The following LCA5L variants were observed in gnomAD, a reference collection of about 807,000 sequenced individuals.
The protein encoded by LCA5L is lebercilin LCA5 like.
LCA5L carries 35 observed loss-of-function variants against 45.4 expected under a neutral mutation model. That is an observed-to-expected ratio of 0.77 (90% CI 0.59 to 1.02). The LOEUF (loss-of-function observed/expected upper bound fraction) is 1.02, where lower values mean the gene tolerates loss of function less well. Among genes scored for constraint, LCA5L ranks in the 50% least tolerant of loss-of-function variants. LCA5L has a pLI of 0.00. For missense variants in LCA5L, 668 were observed against 761.6 expected (o/e 0.88, Z 1.45); for synonymous variants, 233 against 264.7 (o/e 0.88, Z 1.16).
At chr21:39,418,490 TTTTTA>T (rs904759623) in intron 7 of LCA5L, among the ~76,000 whole-genome samples, 3 of 152,124 alleles carry the variant, frequency 2.0e-5, no homozygotes, top group East Asian at 3.9e-4. Flanking sequence ...AAAATGGTTA[TTTTTA>T]TTTTATTTTT....
intron 5 of LCA5L, chr21:39,427,914 A>C (rs2075046307): frequency 4.1e-6 from 1 of 242,418 alleles, no homozygotes; most frequent in Non-Finnish European, 7.9e-6. Flanking sequence ...AACTAAAAAC[A>C]GAACTAACCT....
intron 6 of LCA5L, among the ~76,000 whole-genome samples, chr21:39,421,328 C>T (rs2073735734): frequency 6.6e-6 from 1 of 152,124 alleles, no homozygotes; most frequent in Admixed American, 6.6e-5. Flanking sequence ...TCTCAAGCTC[C>T]TGGCCCACCT....
chr21:39,440,310 C>T (rs1392354035), intron 2 of LCA5L, among the ~76,000 whole-genome samples: 1 of 152,102 alleles, frequency 6.6e-6, no homozygotes, highest in Non-Finnish European at 1.5e-5. Context: ...TTAAGAAGCT[C>T]CCACTAGTCA....
At chr21:39,437,392 A>T (rs2076387629) in intron 2 of LCA5L, among the ~76,000 whole-genome samples, 1 of 152,234 alleles carries the variant, frequency 6.6e-6, no homozygotes, top group Non-Finnish European at 1.5e-5. Context: ...AATGAAATGA[A>T]ATGATTATAT....
At chr21:39,437,569 C>T (rs2076406264) in intron 2 of LCA5L, among the ~76,000 whole-genome samples, 1 of 152,088 alleles carries the variant, frequency 6.6e-6, no homozygotes, top group South Asian at 2.1e-4. Flanking sequence ...AGGTGATCCT[C>T]CCACCTCAGT....
intron 7 of LCA5L, among the ~76,000 whole-genome samples, chr21:39,414,694 G>C (rs1325801591): frequency 6.8e-6 from 1 of 148,058 alleles, no homozygotes; most frequent in Non-Finnish European, 1.5e-5. Context: ...AGGCAGTACT[G>C]CATCTGTCTG....
intron 7 of LCA5L, among the ~76,000 whole-genome samples, chr21:39,417,600 A>C (rs978052381): frequency 1.3e-5 from 2 of 152,102 alleles, no homozygotes; most frequent in African/African-American, 2.4e-5. Context: ...GAGTCTAGGT[A>C]ATTTATAAGG....
chr21:39,418,359 A>C (rs1221654324), intron 7 of LCA5L, among the ~76,000 whole-genome samples: 1 of 152,178 alleles, frequency 6.6e-6, no homozygotes, highest in Non-Finnish European at 1.5e-5. Flanking sequence ...AGATATATAG[A>C]TATCCATTGT....
At chr21:39,440,217 C>A (rs1198693574) in intron 2 of LCA5L, among the ~76,000 whole-genome samples, 1 of 152,002 alleles carries the variant, frequency 6.6e-6, no homozygotes, top group East Asian at 1.9e-4. Context: ...ATTGGGGTTC[C>A]TTGGAGAAAT....
chr21:39,413,481 C>T (rs890525276), intron 7 of LCA5L, among the ~76,000 whole-genome samples: 11 of 152,180 alleles, frequency 7.2e-5, no homozygotes, highest in Non-Finnish European at 1.2e-4. Flanking sequence ...AAGAACATGA[C>T]ATATTTTTGT....
intron 3 of LCA5L, among the ~76,000 whole-genome samples, chr21:39,433,352 A>G (rs1601930491): frequency 7.4e-6 from 1 of 135,724 alleles, no homozygotes; most frequent in Non-Finnish European, 1.5e-5. Context: ...CAGGAGGTGG[A>G]GGTTGCAGTG....
rs2039028868 is a variant in LCA5L, at chr21:39,406,033, C to A, written c.1862G>T (p.Gly621Val). ...TDQSSPGVAK[G>V]SEEPLQSKES... ...CTTACTTTGCAAAGGCTCCTCTGAG[C>A]CTTTTGCAACACCAGGACTTGATTG... Residue 621 changes from glycine (G) to valine (V), a missense_variant, in exon 11 of 11, where the codon GGC becomes GTC. Transcript: ENST00000288350. The A allele has an allele frequency of 2.5e-6, 4 of 1,614,088 alleles. No individual in the cohort carries two copies. The South Asian group carries it at 3.3e-5, about 13-fold the overall frequency.
intron 7 of LCA5L, chr21:39,414,103 A>G (rs2040598084): frequency 6.6e-6 from 1 of 152,276 alleles, no homozygotes; most frequent in Non-Finnish European, 1.5e-5. Context: ...GTCAAGGGAA[A>G]CAAGAAGCTA....
chr21:39,422,648 G>A lies in LCA5L; in HGVS notation c.837+328C>T, dbSNP rs2073958848. ...AAAGAGAGGTTTCACGTAACACAAT[G>A]CAATCTTTTCAGCACAGGGAAAAAG... is the stretch of plus-strand genomic sequence containing the variant. On this transcript the variant is annotated intron_variant, in intron 6 of 10. Coordinates refer to ENST00000288350, the MANE Select transcript of LCA5L (RefSeq NM_152505.4). 1.2e-5 allele frequency: 5 copies of A among 410,094 alleles called. No homozygotes were observed. The East Asian group carries it at 1.8e-4, about 15-fold the overall frequency. 25.4% of individuals were successfully genotyped at this position (410,094 alleles called of 1,614,324 possible). A position where few individuals can be genotyped will look rare whatever the true frequency, so the allele number is the denominator to read the frequency against.
chr21:39,431,439 T>A (rs2075706184), intron 3 of LCA5L, among the ~76,000 whole-genome samples: 1 of 151,994 alleles, frequency 6.6e-6, no homozygotes, highest in Non-Finnish European at 1.5e-5. Context: ...TTCCTCAGGA[T>A]GGGCAAAGGG....
chr21:39,406,533 GTCT>G lies in LCA5L; in HGVS notation c.1359_1361del (p.Glu453del), dbSNP rs751375675. 2.1e-5 allele frequency: 34 copies of G among 1,612,034 alleles called. No homozygotes were observed. Among genetic ancestry groups the G allele is most frequent in the Non-Finnish European group, 2.8e-5 (33 of 1,179,394 alleles). ...TCACAAAAATGTTTTTCTTTTCTTG[GTCT>G]TCTTTTTTGTCTTTTTGTCTTCCAG... On this transcript the variant is annotated inframe_deletion, in exon 11 of 11. Coordinates refer to ENST00000288350, the MANE Select transcript of LCA5L (RefSeq NM_152505.4).
intron 3 of LCA5L, 111 bp downstream of exon 3, chr21:39,435,309 T>C (rs2148143969): frequency 1.3e-5 from 2 of 152,380 alleles, no homozygotes; most frequent in Non-Finnish European, 2.9e-5. Flanking sequence ...GATCAAGGTA[T>C]ATGTCTGAAT....
At chr21:39,415,253 C>A (rs2040926091) in intron 7 of LCA5L, among the ~76,000 whole-genome samples, 1 of 152,078 alleles carries the variant, frequency 6.6e-6, no homozygotes. Flanking sequence ...CAGGGAGGGA[C>A]AAAAAGCATG....
chr21:39,423,095 C>G lies in LCA5L; in HGVS notation c.718G>C (p.Asp240His), dbSNP rs773416355. The G allele has an allele frequency of 6.2e-7, 1 of 1,613,956 alleles. No individual in the cohort carries two copies. Among genetic ancestry groups the G allele is most frequent in the South Asian group, 1.1e-5 (1 of 91,072 alleles). Reference sequence around the variant, plus strand: ...AGTTTCTGCAGTGCCTGCAAGATATCTTTAGTCTTCAGTAACTGGCTGTCA... The same window carrying G: ...AGTTTCTGCAGTGCCTGCAAGATATGTTTAGTCTTCAGTAACTGGCTGTCA... Reference protein sequence around the residue: ...ETDSQLLKTKDILQALQKLSE... With the variant: ...ETDSQLLKTKHILQALQKLSE... Residue 240 changes from aspartate (D) to histidine (H), a missense_variant, in exon 6 of 11, where the codon GAT becomes CAT. Physicochemically the swap from Asp to His is moderately conservative, Grantham distance 81. Transcript: ENST00000288350.
Sources: gnomAD v4.1 joint callset for allele counts (sites outside exome capture counted in the v4.1 genomes callset) on GRCh38, gnomAD v4.1.1 for gene constraint, MANE v1.5 for transcripts, NCBI Gene and HGNC (gene_info 2026-07-23, HGNC 2026-07-21) for gene names.